The following STRN3 variants were observed in gnomAD, a reference collection of about 807,000 sequenced individuals.
The protein encoded by STRN3 is striatin 3.
A neutral mutation model predicts 95.6 loss-of-function variants in STRN3; 29 were observed. The observed-to-expected ratio is 0.30, with a 90% CI of 0.23 to 0.41. STRN3 has a LOEUF of 0.41. Among genes scored for constraint, STRN3 ranks in the 10% least tolerant of loss-of-function variants. The probability of loss-of-function intolerance (pLI) is 1.00; values close to 1 mark genes in which losing one functional copy is unlikely to be tolerated. For missense variants in STRN3, 890 were observed against 972.1 expected, an observed-to-expected ratio of 0.92 and a Z score of 1.12; for synonymous variants, 331 against 357.6, an observed-to-expected ratio of 0.93 and a Z score of 0.84.
At chr14:30,897,783 T>G (rs1186148731) in intron 16 of STRN3, among the ~76,000 whole-genome samples, 1 of 152,174 alleles carries the variant, frequency 6.6e-6, no homozygotes, top group Non-Finnish European at 1.5e-5. Flanking sequence ...AACAGAAAAG[T>G]CTTCAACAAA....
At chr14:30,916,946 A>G (rs945349634) in intron 9 of STRN3, among the ~76,000 whole-genome samples, 10 of 152,206 alleles carry the variant, frequency 6.6e-5, no homozygotes, top group African/African-American at 1.9e-4. Context: ...TTCCATTTAT[A>G]CCAGTGGCAA....
At chr14:30,922,405 C>T (rs1896908316) in intron 8 of STRN3, among the ~76,000 whole-genome samples, 2 of 152,138 alleles carry the variant, frequency 1.3e-5, no homozygotes, top group African/African-American at 4.8e-5. Flanking sequence ...ATGCATAATC[C>T]TCTAGACTGA....
At chr14:30,943,098 T>A (rs749287843) in intron 5 of STRN3, among the ~76,000 whole-genome samples, 1 of 152,226 alleles carries the variant, frequency 6.6e-6, no homozygotes. Context: ...AGACTGCTTC[T>A]AATTTTTTCC....
At chr14:30,970,974 GCT>G (rs1235491260) in intron 1 of STRN3, among the ~76,000 whole-genome samples, 3 of 152,174 alleles carry the variant, frequency 2.0e-5, no homozygotes, top group African/African-American at 7.2e-5. Flanking sequence ...GTCTTGCCAA[GCT>G]CTCTCTCTGC....
At chr14:31,020,239 C>G (rs1265898911) in intron 1 of STRN3, among the ~76,000 whole-genome samples, 1 of 152,208 alleles carries the variant, frequency 6.6e-6, no homozygotes, top group Non-Finnish European at 1.5e-5. Context: ...TGGCTCATGC[C>G]TGTAATCCTA....
intron 1 of STRN3, among the ~76,000 whole-genome samples, chr14:30,979,180 AC>A (rs1881265186): frequency 6.6e-6 from 1 of 152,120 alleles, no homozygotes; most frequent in African/African-American, 2.4e-5. Context: ...TTACCTTAGC[AC>A]CAAAAACCTT....
intron 1 of STRN3, among the ~76,000 whole-genome samples, chr14:30,996,947 T>C (rs768087424): frequency 3.3e-5 from 5 of 152,128 alleles, no homozygotes; most frequent in Non-Finnish European, 7.4e-5. Context: ...AATTGGATTG[T>C]TGTTGTTGTT....
intron 1 of STRN3, among the ~76,000 whole-genome samples, chr14:30,990,006 T>TGGAATGGGACAGAACAAGA (rs138108569): frequency 0.79 from 119,123 of 150,138 alleles, 48,057 homozygotes; most frequent in Non-Finnish European, 0.87. Flanking sequence ...TTCAGAAATG[T>TGGAATGGGACAGAACAAGA]GGAATGGGAC....
intron 5 of STRN3, among the ~76,000 whole-genome samples, chr14:30,942,654 C>T (rs1306099747): frequency 6.6e-6 from 1 of 152,150 alleles, no homozygotes; most frequent in Non-Finnish European, 1.5e-5. Context: ...AGAGAACTTT[C>T]CCAATGAGTC....
At chr14:30,911,289 C>T in intron 12 of STRN3, 127 bp from the exon 13 acceptor site, 3 of 831,358 alleles carry the variant, frequency 3.6e-6, no homozygotes, top group Non-Finnish European at 3.5e-6. Flanking sequence ...GTACACCTGA[C>T]TGGTACTTTT....
At chr14:31,008,147 C>T (rs1358975278) in intron 1 of STRN3, among the ~76,000 whole-genome samples, 8 of 151,546 alleles carry the variant, frequency 5.3e-5, no homozygotes, top group South Asian at 4.2e-4. Flanking sequence ...GCCAAGATCA[C>T]GCCGTTGCAC....
intron 1 of STRN3, among the ~76,000 whole-genome samples, chr14:31,002,469 TCAA>T (rs1566486082): frequency 5.6e-5 from 2 of 35,554 alleles, no homozygotes; most frequent in African/African-American, 9.4e-5. Flanking sequence ...AGACTCTGTC[TCAA>T]AAAAAAAAAA....
intron 1 of STRN3, among the ~76,000 whole-genome samples, chr14:31,006,123 A>C (rs1481851732): frequency 1.3e-5 from 2 of 151,076 alleles, no homozygotes; most frequent in Admixed American, 1.3e-4. Context: ...TGTCTCAAAA[A>C]AAAAAAAAAA....
chr14:30,966,377 G>A (rs1034486654), intron 1 of STRN3, among the ~76,000 whole-genome samples: 8 of 152,108 alleles, frequency 5.3e-5, no homozygotes, highest in African/African-American at 1.9e-4. Flanking sequence ...TTGTGGCACC[G>A]AAACTTTACA....
Position 31,025,841 on chromosome 14 carries a change from G to A in STRN3, c.282+63C>T. On this transcript the variant is annotated intron_variant, in intron 1 of 17. Transcript: ENST00000357479. ...CGGCTCCGGCTGAGTGGAGTCCCCA[G>A]CCCCACCCCCCGGCCGGGAACCCAG... 3.2e-6 allele frequency: 5 copies of A among 1,551,178 alleles called. No homozygotes were observed. In the South Asian group the frequency reaches 3.5e-5, roughly 11 times the overall value.
intron 1 of STRN3, among the ~76,000 whole-genome samples, chr14:30,993,716 G>T (rs1021703226): frequency 1.3e-5 from 2 of 151,916 alleles, no homozygotes; most frequent in African/African-American, 2.4e-5. Context: ...TCTCACTCTT[G>T]TCGCCCAGGC....
chr14:30,961,316 T>A (rs1290485905), intron 1 of STRN3, among the ~76,000 whole-genome samples: 1 of 152,118 alleles, frequency 6.6e-6, no homozygotes, highest in Non-Finnish European at 1.5e-5. Context: ...CTTAAAATTT[T>A]AAAAAAGACA....
At chr14:30,975,969 T>C (rs565837858) in intron 1 of STRN3, among the ~76,000 whole-genome samples, 11 of 151,406 alleles carry the variant, frequency 7.3e-5, no homozygotes, top group Admixed American at 2.0e-4. Flanking sequence ...TGCAGTCATA[T>C]AAAATTCTCA....
chr14:30,912,230 AG>A (rs1896629898), intron 10 of STRN3, 48 bp from the exon 11 acceptor site: 1 of 1,547,798 alleles, frequency 6.5e-7, no homozygotes, highest in Non-Finnish European at 8.7e-7. Flanking sequence ...GTAAACTGGA[AG>A]GCATGTGGAG....
Sources: allele counts gnomAD v4.1 joint callset (sites outside exome capture counted in the v4.1 genomes callset), GRCh38; gene constraint gnomAD v4.1.1; transcripts MANE v1.5; gene names NCBI Gene and HGNC (gene_info 2026-07-23, HGNC 2026-07-21).